COG5: variants seen among roughly 807,000 people sequenced by gnomAD.
COG5 encodes the protein component of oligomeric golgi complex 5.
A neutral mutation model predicts 110.4 loss-of-function variants in COG5; 86 were observed. That is an observed-to-expected ratio of 0.78 (90% confidence interval 0.65 to 0.93). The LOEUF (loss-of-function observed/expected upper bound fraction) is 0.93, where lower values mean the gene tolerates loss of function less well. Ranked by LOEUF, COG5 falls within the 40% of genes least tolerant of loss-of-function variation. The pLI is 0.00. For missense variants in COG5, 1,077 were observed against 987.0 expected, an observed-to-expected ratio of 1.09 and a Z score of -1.22; for synonymous variants, 360 against 334.6, an observed-to-expected ratio of 1.08 and a Z score of -0.83.
intron 5 of COG5, among the ~76,000 whole-genome samples, chr7:107,544,890 T>A (rs375908500): frequency 1.0e-3 from 153 of 151,860 alleles, no homozygotes; most frequent in African/African-American, 3.5e-3. Context: ...GTACACAAAA[T>A]CAGGAAAACA....
At chr7:107,386,947 C>T (rs575061096) in intron 7 of COG5, among the ~76,000 whole-genome samples, 2 of 152,166 alleles carry the variant, frequency 1.3e-5, no homozygotes, top group South Asian at 2.1e-4. Flanking sequence ...CCACTATCAC[C>T]GGGCCAAAAT....
chr7:107,387,351 C>T (rs1056479557), intron 7 of COG5, among the ~76,000 whole-genome samples: 1 of 152,128 alleles, frequency 6.6e-6, no homozygotes, highest in African/African-American at 2.4e-5. Context: ...AAGGTCCACC[C>T]AGCCAGCAGC....
chr7:107,379,819 C>T (rs891282201), intron 7 of COG5, among the ~76,000 whole-genome samples: 2 of 152,066 alleles, frequency 1.3e-5, no homozygotes, highest in African/African-American at 4.8e-5. Context: ...TAGACTCCCA[C>T]ACAATAATAG....
intron 6 of COG5, among the ~76,000 whole-genome samples, chr7:107,500,322 T>C (rs1798557523): frequency 6.6e-6 from 1 of 152,216 alleles, no homozygotes; most frequent in Admixed American, 6.5e-5. Flanking sequence ...AGTGAACAAC[T>C]GAACTTCCAG....
At chr7:107,292,044 T>C (rs1190271174) in intron 12 of COG5, among the ~76,000 whole-genome samples, 2 of 152,148 alleles carry the variant, frequency 1.3e-5, no homozygotes, top group African/African-American at 4.8e-5. Context: ...TCTTTTTCTA[T>C]TTCCTTCTTT....
chr7:107,260,248 GAAAT>G (rs1803228589), intron 14 of COG5, among the ~76,000 whole-genome samples: 1 of 151,940 alleles, frequency 6.6e-6, no homozygotes, highest in Non-Finnish European at 1.5e-5. Context: ...GCAACACAAA[GAAAT>G]AAAGTTCTGA....
chr7:107,303,420 TTTTG>T (rs1398995152), intron 11 of COG5, among the ~76,000 whole-genome samples: 9 of 152,150 alleles, frequency 5.9e-5, no homozygotes, highest in South Asian at 4.2e-4. Flanking sequence ...CACTAAGTTT[TTTTG>T]TTTGTTTGTT....
At position 107,362,300 on chromosome 7, in the gene COG5, A is replaced by G. The variant is rs1562989569; in HGVS notation, c.948+8T>C. The stretch of plus-strand genomic sequence containing the variant: ...ATTAATGTTTTTTCCACTCCTTCAA[A>G]TATTTACCTGTCCACAAACAGCATA... On this transcript the variant is annotated splice_region_variant and intron_variant, in intron 9 of 21. Coordinates refer to ENST00000297135, the MANE Select transcript of COG5 (RefSeq NM_006348.5). 6.3e-7 allele frequency: 1 copy of G among 1,587,974 alleles called. No individual in the cohort carries two copies. The highest frequency in any genetic ancestry group is 1.1e-5 in the South Asian group (1 of 90,544).
At chr7:107,235,748 A>G (rs1801139559) in intron 18 of COG5, among the ~76,000 whole-genome samples, 1 of 152,170 alleles carries the variant, frequency 6.6e-6, no homozygotes. Context: ...AAAAATAACA[A>G]TCATCTTTGT....
At chr7:107,312,126 T>C (rs961316795) in intron 11 of COG5, among the ~76,000 whole-genome samples, 1 of 152,220 alleles carries the variant, frequency 6.6e-6, no homozygotes, top group Non-Finnish European at 1.5e-5. Context: ...TGTATAGATA[T>C]TGTTGTTTGT....
intron 19 of COG5, among the ~76,000 whole-genome samples, chr7:107,225,493 CCATT>C (rs1391737155): frequency 1.3e-5 from 2 of 152,056 alleles, no homozygotes; most frequent in African/African-American, 4.8e-5. Flanking sequence ...CTTTTATTCT[CCATT>C]CAAACAAATA....
intron 6 of COG5, among the ~76,000 whole-genome samples, chr7:107,441,591 C>T (rs1794711565): frequency 6.6e-6 from 1 of 152,174 alleles, no homozygotes; most frequent in Non-Finnish European, 1.5e-5. Flanking sequence ...AGTGTATGCA[C>T]CTTCCCAATC....
At chr7:107,290,682 C>T (rs936069884) in intron 12 of COG5, among the ~76,000 whole-genome samples, 1 of 152,146 alleles carries the variant, frequency 6.6e-6, no homozygotes, top group Non-Finnish European at 1.5e-5. Context: ...CTTTACTGGA[C>T]ATGGGATTCT....
chr7:107,422,092 AAAG>A (rs1409538993), intron 6 of COG5, among the ~76,000 whole-genome samples: 1 of 152,206 alleles, frequency 6.6e-6, no homozygotes, highest in African/African-American at 2.4e-5. Flanking sequence ...TAGAACTAAT[AAAG>A]AAGATGAAAT....
At chr7:107,304,584 G>A (rs1401338022) in intron 11 of COG5, among the ~76,000 whole-genome samples, 2 of 152,090 alleles carry the variant, frequency 1.3e-5, no homozygotes, top group East Asian at 3.9e-4. Context: ...TACATCCCTG[G>A]TTTAAGGCTT....
chr7:107,438,162 T>C (rs537836391), intron 6 of COG5, among the ~76,000 whole-genome samples: 52 of 152,262 alleles, frequency 3.4e-4, no homozygotes, highest in African/African-American at 1.2e-3. Context: ...TATGACTCTT[T>C]GACATAAATA....
At chr7:107,239,387 G>A (rs1055257950) in intron 17 of COG5, among the ~76,000 whole-genome samples, 35 of 152,150 alleles carry the variant, frequency 2.3e-4, no homozygotes, top group African/African-American at 5.8e-4. Context: ...ATTAGGTAGT[G>A]TGATACCTCT....
At chr7:107,311,090 G>A (rs1018097570) in intron 11 of COG5, among the ~76,000 whole-genome samples, 1 of 152,140 alleles carries the variant, frequency 6.6e-6, no homozygotes, top group Non-Finnish European at 1.5e-5. Context: ...GCGAATGTCT[G>A]TTTAAATTTT....
Position 107,236,551 on chromosome 7 carries a change from C to T in COG5, c.1990G>A (p.Ala664Thr), listed in dbSNP as rs1201127825. 6.2e-7 allele frequency: 1 copy of T among 1,613,898 alleles called. No homozygotes were observed. The highest frequency in any genetic ancestry group is 1.7e-5 in the Admixed American group (1 of 60,006). ...CLDFVFDNTE[A>T]IAQRAVELFI... Reference sequence around the variant, plus strand: ...AGTTCAACAGCTCTTTGGGCAATAGCCTCAGTGTTGTCAAAGACAAAATCC... The same window carrying T: ...AGTTCAACAGCTCTTTGGGCAATAGTCTCAGTGTTGTCAAAGACAAAATCC... Residue 664 changes from alanine (A) to threonine (T), a missense_variant, in exon 18 of 22, where the codon GCT becomes ACT. Coordinates refer to ENST00000297135, the MANE Select transcript of COG5 (RefSeq NM_006348.5).
Sources: gnomAD v4.1 joint callset for allele counts (sites outside exome capture counted in the v4.1 genomes callset) on GRCh38, gnomAD v4.1.1 for gene constraint, MANE v1.5 for transcripts, NCBI Gene and HGNC (gene_info 2026-07-23, HGNC 2026-07-21) for gene names.